CASZ1: variants seen among roughly 807,000 people sequenced by gnomAD.
CASZ1 encodes the protein zinc finger protein castor homolog 1.
In CASZ1, 28 loss-of-function variants were observed where a neutral mutation model predicts 135.2. That is an observed-to-expected ratio of 0.21 (90% CI 0.15 to 0.28). CASZ1 has a LOEUF of 0.28. Ranked by LOEUF, CASZ1 falls within the 10% of genes least tolerant of loss-of-function variation. CASZ1 has a pLI of 1.00. For synonymous variants in CASZ1, 1,068 were observed against 1,073.4 expected (o/e 0.99, Z 0.10); for missense variants, 2,161 against 2,453.3 (o/e 0.88, Z 2.52).
rs1267675747 is a variant in CASZ1 at position 10,699,075 on chromosome 1, A to T, written c.-23-5163T>A. On this transcript the variant is annotated intron_variant, in intron 3 of 20. Transcript: ENST00000377022. The surrounding 1 kb of genome is among the most constrained non-coding windows in gnomAD (Gnocchi z 4.6). Reference sequence around the variant, plus strand: ...GGTTGGGGGTGGACAGGTATCACACATGGCTCCATGGCCCAGAGGCTGCTT... The same window carrying T: ...GGTTGGGGGTGGACAGGTATCACACTTGGCTCCATGGCCCAGAGGCTGCTT... 6.6e-6 allele frequency among the ~76,000 whole-genome samples: 1 copy of T among 152,090 alleles called. No individual in the cohort carries two copies. Among genetic ancestry groups the T allele is most frequent in the Non-Finnish European group, 1.5e-5 (1 of 67,994 alleles).
chr1:10,691,522 C>T (rs284241), intron 4 of CASZ1, among the ~76,000 whole-genome samples: 30,341 of 152,224 alleles, frequency 0.2, 3,382 homozygotes, highest in Middle Eastern at 0.31. Context: ...AGCAGCCCTT[C>T]GAGGCCTGCG....
chr1:10,640,197 G>A lies in CASZ1; in HGVS notation c.4163-138C>T, dbSNP rs867701505. The A allele has an allele frequency of 7.7e-5, 101 of 1,305,494 alleles. No homozygotes were observed. The Admixed American group carries it at 1.0e-3, about 13-fold the overall frequency. The allele number at this position is 1,305,494 out of a possible 1,614,324, so 80.9% of individuals were successfully genotyped here. A position where few individuals can be genotyped will look rare whatever the true frequency, so the allele number is the denominator to read the frequency against. On this transcript the variant is annotated intron_variant, in intron 20 of 20. Coordinates refer to ENST00000377022, the MANE Select transcript of CASZ1 (RefSeq NM_001079843.3). ...GGGAGCCCTCGGCTTCCCCTGGCTT[G>A]GGAGGCCTCTCCTGCCCCGCCCCCT... is the stretch of plus-strand genomic sequence containing the variant.
At position 10,656,735 on chromosome 1, in the gene CASZ1, A is replaced by G; in HGVS notation, c.1411T>C (p.Phe471Leu). 6.3e-7 allele frequency: 1 copy of G among 1,587,308 alleles called. No homozygotes were observed. Among genetic ancestry groups the G allele is most frequent in the East Asian group, 2.3e-5 (1 of 44,030 alleles). Residue 471 changes from phenylalanine (F) to leucine (L), a missense_variant and splice_region_variant, in exon 8 of 21, where the codon TTC becomes CTC. Around this residue, in one of 7 missense-constraint regions of CASZ1, gnomAD observed 248 missense variants for 410.8 expected, o/e 0.60. Transcript: ENST00000377022. ...TGGCCACAGTGCTGGCTGCCCGAGAACCTGGAGGGAGGAGGGGTGGGGTCA... is the reference window on the plus strand; with the variant it reads ...TGGCCACAGTGCTGGCTGCCCGAGAGCCTGGAGGGAGGAGGGGTGGGGTCA... ...VNIYQKYIARFSGSQHCGHIH... is the reference protein window; with the variant it reads ...VNIYQKYIARLSGSQHCGHIH...
rs1640632302 is a variant in CASZ1 at position 10,774,699 on chromosome 1, C to T, written c.-233-13842G>A. On this transcript the variant is annotated intron_variant, in intron 1 of 20. Coordinates refer to ENST00000377022, the MANE Select transcript of CASZ1 (RefSeq NM_001079843.3). The surrounding 1 kb of genome is among the most constrained non-coding windows in gnomAD (Gnocchi z 4.4). ...CCCACCACCTGAGTCAACGCGGACC[C>T]CTCTCTTCCCCAAGTGTGACCCTGT... Among the ~76,000 whole-genome samples the T allele has an allele frequency of 6.6e-6, 1 of 152,100 alleles. No homozygotes were observed. Among genetic ancestry groups the T allele is most frequent in the Non-Finnish European group, 1.5e-5 (1 of 68,008 alleles).
chr1:10,653,289 C>G (rs781395498), intron 11 of CASZ1, 88 bp downstream of exon 11: 1 of 1,308,416 alleles, frequency 7.6e-7, no homozygotes, highest in Non-Finnish European at 1.1e-6. Flanking sequence ...CTTCCAAACA[C>G]CCCCCGACTC....
chr1:10,656,519 T>TC (rs2100239038), intron 8 of CASZ1, 127 bp downstream of exon 8: 1 of 701,660 alleles, frequency 1.4e-6, no homozygotes, highest in East Asian at 2.7e-5. Context: ...CTCTACCTGC[T>TC]CAAGTCAAGT....
chr1:10,765,458 A>G (rs1260523817), intron 1 of CASZ1, among the ~76,000 whole-genome samples: 2 of 152,052 alleles, frequency 1.3e-5, no homozygotes, highest in Non-Finnish European at 2.9e-5. Flanking sequence ...TTGTGGCACG[A>G]AAGTGTTTTT....
intron 1 of CASZ1, among the ~76,000 whole-genome samples, chr1:10,775,481 G>A (rs1342668092): frequency 1.3e-5 from 2 of 152,124 alleles, no homozygotes; most frequent in Admixed American, 1.3e-4. Context: ...TCCCGGCCAA[G>A]TTTCTCCAGG....
rs1642407714 is a variant in CASZ1 at position 10,647,714 on chromosome 1, A to C, written c.3497+87T>G. The C allele has an allele frequency of 6.3e-7, 1 of 1,586,670 alleles. No individual in the cohort carries two copies. Among genetic ancestry groups the C allele is most frequent in the East Asian group, 2.2e-5 (1 of 44,588 alleles). On this transcript the variant is annotated intron_variant, in intron 16 of 20. Transcript: ENST00000377022. This position sits in a 1 kb window ranked among gnomAD's most constrained non-coding sequence, Gnocchi z 4.9. ...GGGGACAGCAGCACCATCCGCAGTG[A>C]GGAACAGGGCCTCCTAGCGCCCTTG...
intron 2 of CASZ1, among the ~76,000 whole-genome samples, chr1:10,745,640 C>T (rs1047813018): frequency 6.6e-6 from 1 of 152,170 alleles, no homozygotes; most frequent in African/African-American, 2.4e-5. Context: ...GCACTGGGCC[C>T]CACAAATGAT....
At chr1:10,654,284 C>T (rs1557471795) in intron 10 of CASZ1, 66 bp from the exon 11 acceptor site, 2 of 1,588,092 alleles carry the variant, frequency 1.3e-6, no homozygotes, top group African/African-American at 2.7e-5. Context: ...CACCATGGCC[C>T]TGGGAGGGAC....
intron 2 of CASZ1, among the ~76,000 whole-genome samples, chr1:10,728,474 T>C (rs1487084916): frequency 2.6e-5 from 4 of 152,200 alleles, no homozygotes; most frequent in Non-Finnish European, 5.9e-5. Flanking sequence ...CTGGTTAAAT[T>C]TTCATTTGTG....
At position 10,767,956 on chromosome 1, in the gene CASZ1, AGACCCCAGACCTGG is replaced by A. The variant is rs536626562; in HGVS notation, c.-233-7113_-233-7100del. On this transcript the variant is annotated intron_variant, in intron 1 of 20. Transcript: ENST00000377022. This position sits in a 1 kb window ranked among gnomAD's most constrained non-coding sequence, Gnocchi z 4.2. The stretch of plus-strand genomic sequence containing the variant: ...CACCATTGCAAGGTCTTCCTGGAGC[AGACCCCAGACCTGG>A]GACCCCAGACTCCACCCTGGAATCT... Among the ~76,000 whole-genome samples the A allele has an allele frequency of 1.4e-4, 21 of 152,298 alleles. No homozygotes were observed. Among genetic ancestry groups the A allele is most frequent in the African/African-American group, 5.1e-4 (21 of 41,576 alleles).
chr1:10,768,578 G>T (rs1640520081), intron 1 of CASZ1, among the ~76,000 whole-genome samples: 1 of 152,186 alleles, frequency 6.6e-6, no homozygotes, highest in African/African-American at 2.4e-5. Flanking sequence ...AGCCTTCTGG[G>T]GTGAAGGGTG....
intron 4 of CASZ1, among the ~76,000 whole-genome samples, chr1:10,684,768 G>A (rs1638533733): frequency 6.6e-6 from 1 of 152,240 alleles, no homozygotes; most frequent in African/African-American, 2.4e-5. Context: ...ACACTCTTGG[G>A]TGTCAGAAAT....
rs923305954 is a variant in CASZ1 at position 10,679,642 on chromosome 1, T to C, written c.17-14071A>G. 9.2e-5 allele frequency among the ~76,000 whole-genome samples: 14 copies of C among 152,210 alleles called. No individual in the cohort carries two copies. Among genetic ancestry groups the C allele is most frequent in the African/African-American group, 3.4e-4 (14 of 41,536 alleles). On this transcript the variant is annotated intron_variant, in intron 4 of 20. Coordinates refer to ENST00000377022, the MANE Select transcript of CASZ1 (RefSeq NM_001079843.3). This position sits in a 1 kb window ranked among gnomAD's most constrained non-coding sequence, Gnocchi z 4.7. The stretch of plus-strand genomic sequence containing the variant: ...GAGTGGGTGGTGGGTCTGGGCTCTG[T>C]CCACATCCTGTGCCTGCACGGGCAC...
Position 10,774,269 on chromosome 1 carries a change from C to T in CASZ1, c.-233-13412G>A, listed in dbSNP as rs1001786068. Among the ~76,000 whole-genome samples the T allele has an allele frequency of 2.0e-5, 3 of 152,156 alleles. No homozygotes were observed. Among genetic ancestry groups the T allele is most frequent in the South Asian group, 4.1e-4 (2 of 4,830 alleles). ...GTATATCTCCTGACTCTCGGAGAAT[C>T]GGGAACCATTTCAAAAGCTAAACAA... On this transcript the variant is annotated intron_variant, in intron 1 of 20. Coordinates refer to ENST00000377022, the MANE Select transcript of CASZ1 (RefSeq NM_001079843.3). This position sits in a 1 kb window ranked among gnomAD's most constrained non-coding sequence, Gnocchi z 4.4.
chr1:10,698,607 G>A (rs569622328), intron 3 of CASZ1, among the ~76,000 whole-genome samples: 11 of 152,210 alleles, frequency 7.2e-5, no homozygotes, highest in African/African-American at 1.2e-4. Context: ...GGCCGGCTCC[G>A]AAGCAGGCTC....
At chr1:10,732,320 C>CAAAAA (rs779997881) in intron 2 of CASZ1, among the ~76,000 whole-genome samples, 2 of 65,562 alleles carry the variant, frequency 3.1e-5, no homozygotes, top group East Asian at 4.0e-4. Context: ...GACTCCGTCT[C>CAAAAA]AAAAAAAAAA....
Sources: allele counts gnomAD v4.1 joint callset (sites outside exome capture counted in the v4.1 genomes callset), GRCh38; gene constraint gnomAD v4.1.1; regional missense constraint gnomAD v4.1.1; non-coding constraint Gnocchi (gnomAD v3.1); transcripts MANE v1.5; gene names NCBI Gene and HGNC (gene_info 2026-07-23, HGNC 2026-07-21).